Variants in PPP2R5A observed in about 807,000 individuals in gnomAD.
PPP2R5A encodes protein phosphatase 2 regulatory subunit B'alpha, also known as serine/threonine-protein phosphatase 2A 56 kDa regulatory subunit alpha isoform.
In PPP2R5A, 25 loss-of-function variants were observed where a neutral mutation model predicts 64.2. That is an observed-to-expected ratio of 0.39 (90% confidence interval 0.28 to 0.54). The LOEUF (loss-of-function observed/expected upper bound fraction) is 0.54. PPP2R5A is among the 20% of genes least tolerant of loss of function. The probability of loss-of-function intolerance (pLI) is 0.67; values close to 1 mark genes in which losing one functional copy is unlikely to be tolerated. For missense variants in PPP2R5A, 425 were observed against 576.3 expected, an observed-to-expected ratio of 0.74 and a Z score of 2.69; for synonymous variants, 198 against 201.2, an observed-to-expected ratio of 0.98 and a Z score of 0.13.
At chr1:212,311,573 T>C (rs1659034446) in intron 1 of PPP2R5A, among the ~76,000 whole-genome samples, 1 of 152,162 alleles carries the variant, frequency 6.6e-6, no homozygotes, top group Non-Finnish European at 1.5e-5. Context: ...ATCATTATTT[T>C]AGAGTGTGCT....
chr1:212,297,093 CTTCTTTTTTTTTTT>C (rs1658707326), intron 1 of PPP2R5A, among the ~76,000 whole-genome samples: 1 of 81,916 alleles, frequency 1.2e-5, no homozygotes, highest in Non-Finnish European at 2.4e-5. Context: ...TTCTTTGCTT[CTTCTTTTTTTTTTT>C]TTTTTTTTTT....
rs375755397 is a variant in PPP2R5A, at chr1:212,331,647, C to A, written c.379-1850C>A. ...CAGGGAGAAAAAGCAGTATTTCCTACTGTTACTGATTTCAAATGGCTTATA... is the reference window on the plus strand; with the variant it reads ...CAGGGAGAAAAAGCAGTATTTCCTAATGTTACTGATTTCAAATGGCTTATA... On this transcript the variant is annotated intron_variant, in intron 2 of 12. Coordinates refer to ENST00000261461, the MANE Select transcript of PPP2R5A (RefSeq NM_006243.4). The A allele has an allele frequency of 1.8e-4, 28 of 152,196 alleles. 1 individual carries two copies. Among genetic ancestry groups the A allele is most frequent in the African/African-American group, 6.3e-4 (26 of 41,536 alleles). 9.4% of individuals were successfully genotyped at this position (152,196 alleles called of 1,614,324 possible).
At chr1:212,356,445 C>T (rs1282358496) in intron 8 of PPP2R5A, among the ~76,000 whole-genome samples, 181 bp from the exon 9 acceptor site, 1 of 152,126 alleles carries the variant, frequency 6.6e-6, no homozygotes, top group African/African-American at 2.4e-5. Flanking sequence ...AATAGGCACC[C>T]AGTAAATGTT....
At chr1:212,346,639 A>G (rs1461462142) in intron 5 of PPP2R5A, among the ~76,000 whole-genome samples, 1 of 152,206 alleles carries the variant, frequency 6.6e-6, no homozygotes, top group Non-Finnish European at 1.5e-5. Context: ...CTGCGGATAC[A>G]GGGCCAAGTG....
At chr1:212,322,094 A>T (rs1027395043) in intron 1 of PPP2R5A, among the ~76,000 whole-genome samples, 1 of 151,340 alleles carries the variant, frequency 6.6e-6, no homozygotes, top group Non-Finnish European at 1.5e-5. Flanking sequence ...AGGCTGAGGC[A>T]GGAGAATCAG....
At chr1:212,297,143 A>T (rs1658712350) in intron 1 of PPP2R5A, among the ~76,000 whole-genome samples, 2 of 89,774 alleles carry the variant, frequency 2.2e-5, no homozygotes. Context: ...TTTTTTGGAG[A>T]CGGAGTCTCA....
intron 1 of PPP2R5A, among the ~76,000 whole-genome samples, chr1:212,314,606 A>G (rs1659110268): frequency 6.8e-6 from 1 of 146,368 alleles, no homozygotes; most frequent in African/African-American, 2.6e-5. Context: ...GCCCAGGGTG[A>G]AGTGCAGTGG....
intron 12 of PPP2R5A, among the ~76,000 whole-genome samples, chr1:212,360,364 T>C (rs1278330137): frequency 6.6e-6 from 1 of 152,188 alleles, no homozygotes; most frequent in Non-Finnish European, 1.5e-5. Flanking sequence ...AGTACTTTGT[T>C]GACTATAAAG....
intron 1 of PPP2R5A, among the ~76,000 whole-genome samples, chr1:212,304,661 A>G (rs537485274): frequency 6.6e-6 from 1 of 151,838 alleles, no homozygotes; most frequent in East Asian, 1.9e-4. Flanking sequence ...CCTGGCCTCA[A>G]AGGGATCCTT....
intron 1 of PPP2R5A, among the ~76,000 whole-genome samples, chr1:212,318,233 AAC>A: frequency 6.6e-6 from 1 of 152,308 alleles, no homozygotes; most frequent in African/African-American, 2.4e-5. Flanking sequence ...GTGCTTTAAA[AAC>A]ACATCTTTTA....
At chr1:212,297,886 T>A in intron 1 of PPP2R5A, 1 of 47,036 alleles carries the variant, frequency 2.1e-5, no homozygotes, top group Non-Finnish European at 3.8e-5. Flanking sequence ...GGCAGGGTCA[T>A]AGGACAATAG....
At chr1:212,327,168 G>C (rs1281841381) in intron 1 of PPP2R5A, among the ~76,000 whole-genome samples, 1 of 152,158 alleles carries the variant, frequency 6.6e-6, no homozygotes, top group Non-Finnish European at 1.5e-5. Context: ...GTATGTACTG[G>C]TTTTGAATAG....
chr1:212,316,337 C>T (rs749840966), intron 1 of PPP2R5A, among the ~76,000 whole-genome samples: 8 of 152,090 alleles, frequency 5.3e-5, no homozygotes, highest in Non-Finnish European at 8.8e-5. Context: ...AGCAAAACAG[C>T]CTTATTGTTG....
At position 212,320,805 on chromosome 1, in the gene PPP2R5A, C is replaced by T. The variant is rs1292504109; in HGVS notation, c.182-8330C>T. ...CTCCCGGATGGTGCGGCTGGCCGGG[C>T]GGGGGGCTGACCCCCCCACCTCCCT... On this transcript the variant is annotated intron_variant, in intron 1 of 12. Coordinates refer to ENST00000261461, the MANE Select transcript of PPP2R5A (RefSeq NM_006243.4). Among the ~76,000 whole-genome samples the T allele has an allele frequency of 8.5e-3, 1,148 of 135,556 alleles. 8 individuals are homozygous for T. The highest frequency in any genetic ancestry group is 0.03 in the African/African-American group (1,066 of 35,562). 88.9% of individuals were successfully genotyped at this position (135,556 alleles called of 152,430 possible). A position where few individuals can be genotyped will look rare whatever the true frequency, so the allele number is the denominator to read the frequency against.
rs1221330713 is a variant in PPP2R5A, at chr1:212,313,115, C to CT, written c.182-16015dup. Among the ~76,000 whole-genome samples, 15 of 152,262 alleles carry CT rather than the reference C, an allele frequency of 9.9e-5. No homozygotes were observed. The East Asian group carries it at 2.7e-3, about 27-fold the overall frequency. The stretch of plus-strand genomic sequence containing the variant: ...TAAATCTGTTGTTCTTTTAGGGTTT[C>CT]TTTTTCCTGTGCTTTCTCTCTCTGG... On this transcript the variant is annotated intron_variant, in intron 1 of 12. Coordinates refer to ENST00000261461, the MANE Select transcript of PPP2R5A (RefSeq NM_006243.4).
chr1:212,326,425 C>G (rs1242120585), intron 1 of PPP2R5A, among the ~76,000 whole-genome samples: 1 of 151,720 alleles, frequency 6.6e-6, no homozygotes, highest in African/African-American at 2.4e-5. Flanking sequence ...GAAACTTCAT[C>G]TCTATTAAAA....
Position 212,347,327 on chromosome 1 carries a change from T to C in PPP2R5A, c.705-20T>C, listed in dbSNP as rs1300533853. 2 of 1,515,326 alleles carry C rather than the reference T, an allele frequency of 1.3e-6. No homozygotes were observed. Among genetic ancestry groups the C allele is most frequent in the South Asian group, 1.2e-5 (1 of 85,098 alleles). The allele number at this position is 1,515,326 out of a possible 1,614,324, so 93.9% of individuals were successfully genotyped here. Reference sequence around the variant, plus strand: ...CTGAAGTTTGATTTTGATTACATCTTGTCTTTATTTTAAATTCAGGTTTAT... The same window carrying C: ...CTGAAGTTTGATTTTGATTACATCTCGTCTTTATTTTAAATTCAGGTTTAT... On this transcript the variant is annotated intron_variant, in intron 5 of 12. Transcript: ENST00000261461.
intron 1 of PPP2R5A, among the ~76,000 whole-genome samples, chr1:212,327,120 CA>C (rs2102431448): frequency 6.6e-6 from 1 of 152,316 alleles, no homozygotes; most frequent in African/African-American, 2.4e-5. Flanking sequence ...ATTAGGTTAT[CA>C]TCTTTATGAA....
intron 8 of PPP2R5A, among the ~76,000 whole-genome samples, chr1:212,353,867 G>T (rs1230915324): frequency 2.0e-5 from 3 of 152,120 alleles, no homozygotes; most frequent in Non-Finnish European, 4.4e-5. Flanking sequence ...ACAGTCATGT[G>T]CTGCATAATG....
Sources: gnomAD v4.1 joint callset for allele counts (sites outside exome capture counted in the v4.1 genomes callset) on GRCh38, gnomAD v4.1.1 for gene constraint, MANE v1.5 for transcripts, NCBI Gene and HGNC (gene_info 2026-07-23, HGNC 2026-07-21) for gene names.